Variants in AGMO observed in about 807,000 individuals in gnomAD.
AGMO encodes glyceryl-ether monooxygenase.
Under a neutral mutation model 60.2 loss-of-function variants are expected in AGMO, and 75 were observed. That is an observed-to-expected ratio of 1.25 (90% CI 1.03 to 1.51). AGMO has a LOEUF of 1.51. AGMO is among the 40% of genes most tolerant of loss of function. AGMO has a pLI of 0.00. For synonymous variants in AGMO, 261 were observed against 177.1 expected, an observed-to-expected ratio of 1.47 and a Z score of -3.76; for missense variants, 763 against 525.5, an observed-to-expected ratio of 1.45 and a Z score of -4.42.
intron 12 of AGMO, among the ~76,000 whole-genome samples, chr7:15,313,179 T>G (rs1261541832): frequency 6.6e-6 from 1 of 152,172 alleles, no homozygotes; most frequent in African/African-American, 2.4e-5. Flanking sequence ...CTTCGATGTT[T>G]TGTAACAATA....
At chr7:15,187,906 C>CT in the AGMO span, among the ~76,000 whole-genome samples, 5 of 148,334 alleles carry the variant, frequency 3.4e-5, no homozygotes, top group Non-Finnish European at 7.4e-5. Context: ...AACTCCCCCC[C>CT]GACTGCCCAT....
At chr7:15,485,476 T>C (rs1230477346) in intron 3 of AGMO, among the ~76,000 whole-genome samples, 1 of 152,162 alleles carries the variant, frequency 6.6e-6, no homozygotes, top group African/African-American at 2.4e-5. Context: ...TGTCATAAGC[T>C]TTTAGCAGAC....
the AGMO span, among the ~76,000 whole-genome samples, chr7:15,167,171 T>C: frequency 5.9e-5 from 9 of 152,164 alleles, no homozygotes; most frequent in African/African-American, 2.2e-4. Context: ...TCCATGAATA[T>C]TGAAAAGTTA....
intron 10 of AGMO, among the ~76,000 whole-genome samples, chr7:15,366,530 T>C (rs933671414): frequency 6.6e-6 from 1 of 152,100 alleles, no homozygotes; most frequent in Non-Finnish European, 1.5e-5. Context: ...TCCCCACATA[T>C]GGATAAATTA....
At position 15,380,612 on chromosome 7, in the gene AGMO, A is replaced by G. The variant is rs1320784530; in HGVS notation, c.1074+4834T>C. Among the ~76,000 whole-genome samples the G allele has an allele frequency of 3.9e-5, 6 of 152,148 alleles. No homozygotes were observed. The East Asian group carries it at 1.2e-3, about 29-fold the overall frequency. On this transcript the variant is annotated intron_variant, in intron 10 of 12. Coordinates refer to ENST00000342526, the MANE Select transcript of AGMO (RefSeq NM_001004320.2). ...CAAAGCAATTTATAGAATCAATGCTATGCTTATTAAACATTCCTCACAGAA... is the reference window on the plus strand; with the variant it reads ...CAAAGCAATTTATAGAATCAATGCTGTGCTTATTAAACATTCCTCACAGAA...
chr7:15,300,604 T>C (rs1784538314), intron 12 of AGMO, among the ~76,000 whole-genome samples: 2 of 152,202 alleles, frequency 1.3e-5, no homozygotes, highest in Admixed American at 6.5e-5. Context: ...ATTTTTCTTC[T>C]TGCTGGTATC....
chr7:15,174,605 C>G, the AGMO span, among the ~76,000 whole-genome samples: 1 of 151,978 alleles, frequency 6.6e-6, no homozygotes, highest in African/African-American at 2.4e-5. Context: ...GTGCTCTATA[C>G]TCCCATAGAA....
intron 12 of AGMO, among the ~76,000 whole-genome samples, chr7:15,263,486 A>G (rs932046366): frequency 6.6e-6 from 1 of 152,108 alleles, no homozygotes; most frequent in Admixed American, 6.6e-5. Flanking sequence ...GTAAAATAGT[A>G]AAACCACTCT....
chr7:15,558,446 T>C (rs1182154000), intron 2 of AGMO, among the ~76,000 whole-genome samples: 1 of 152,050 alleles, frequency 6.6e-6, no homozygotes, highest in Non-Finnish European at 1.5e-5. Flanking sequence ...ATTAACCAAC[T>C]GGGTATTTTT....
chr7:15,522,021 T>C (rs769467597), intron 3 of AGMO, among the ~76,000 whole-genome samples: 9 of 152,154 alleles, frequency 5.9e-5, no homozygotes, highest in Non-Finnish European at 1.3e-4. Flanking sequence ...AAAATCAATG[T>C]GCAAAAATCA....
At chr7:15,357,812 C>T (rs1350251049) in intron 12 of AGMO, among the ~76,000 whole-genome samples, 1 of 152,198 alleles carries the variant, frequency 6.6e-6, no homozygotes, top group Admixed American at 6.5e-5. Flanking sequence ...CAGGTGAACG[C>T]AGCAGAGAAA....
intron 12 of AGMO, among the ~76,000 whole-genome samples, chr7:15,202,937 C>T (rs527816988): frequency 4.5e-4 from 68 of 152,184 alleles, no homozygotes; most frequent in Non-Finnish European, 7.4e-4. Flanking sequence ...GAGAAGATAG[C>T]TTTTCAAGTG....
intron 10 of AGMO, among the ~76,000 whole-genome samples, chr7:15,376,916 T>C (rs1057373164): frequency 6.6e-6 from 1 of 152,040 alleles, no homozygotes; most frequent in Admixed American, 6.6e-5. Context: ...CTCTTACACC[T>C]TTGTCGTGGC....
At chr7:15,161,416 C>A in the AGMO span, among the ~76,000 whole-genome samples, 64 of 151,920 alleles carry the variant, frequency 4.2e-4, no homozygotes, top group Middle Eastern at 3.4e-3. Context: ...CTCTCTCTCT[C>A]TCTCTATATA....
At chr7:15,331,126 G>C (rs1039654456) in intron 12 of AGMO, among the ~76,000 whole-genome samples, 1 of 152,072 alleles carries the variant, frequency 6.6e-6, no homozygotes, top group Admixed American at 6.6e-5. Flanking sequence ...TCCATTAATA[G>C]CCAGTATCTT....
intron 12 of AGMO, among the ~76,000 whole-genome samples, chr7:15,202,386 T>G (rs866747549): frequency 7.1e-6 from 1 of 141,750 alleles, no homozygotes; most frequent in East Asian, 2.1e-4. Flanking sequence ...GAAAATACCT[T>G]GAACTATGCT....
At chr7:15,279,004 A>C (rs977983054) in intron 12 of AGMO, among the ~76,000 whole-genome samples, 1 of 152,058 alleles carries the variant, frequency 6.6e-6, no homozygotes, top group African/African-American at 2.4e-5. Flanking sequence ...GAGTCACATG[A>C]AAGTGCTTAA....
the AGMO span, among the ~76,000 whole-genome samples, chr7:15,184,073 T>A: frequency 6.6e-6 from 1 of 152,168 alleles, no homozygotes; most frequent in African/African-American, 2.4e-5. Context: ...TTCATCTGCA[T>A]CAATCTGAAT....
chr7:15,224,193 C>T (rs777574999), intron 12 of AGMO, among the ~76,000 whole-genome samples: 9 of 151,872 alleles, frequency 5.9e-5, no homozygotes, highest in South Asian at 4.2e-4. Context: ...AAAAAAAATA[C>T]GATTCACAGA....
Sources: gnomAD v4.1 joint callset for allele counts (sites outside exome capture counted in the v4.1 genomes callset) on GRCh38, gnomAD v4.1.1 for gene constraint, MANE v1.5 for transcripts, NCBI Gene and HGNC (gene_info 2026-07-23, HGNC 2026-07-21) for gene names.